NRXN3: variants seen among roughly 807,000 people sequenced by gnomAD.
NRXN3 encodes the protein neurexin 3.
NRXN3 carries 32 observed loss-of-function variants against 137.6 expected under a neutral mutation model. That is an observed-to-expected ratio of 0.23 (90% CI 0.18 to 0.31). NRXN3 has a LOEUF of 0.31. Among genes scored for constraint, NRXN3 ranks in the 10% least tolerant of loss-of-function variants. NRXN3 has a pLI of 1.00. For missense variants in NRXN3, 1,574 were observed against 2,062.5 expected (o/e 0.76, Z 4.59); for synonymous variants, 798 against 784.5 (o/e 1.02, Z -0.29).
At chr14:78,593,216 C>T (rs1003107241) in intron 4 of NRXN3, among the ~76,000 whole-genome samples, 1 of 152,162 alleles carries the variant, frequency 6.6e-6, no homozygotes, top group Non-Finnish European at 1.5e-5. Context: ...TAATGGTTTC[C>T]CGCCCTGTCC....
chr14:79,613,995 T>A (rs1205969242), intron 16 of NRXN3, among the ~76,000 whole-genome samples: 1 of 152,236 alleles, frequency 6.6e-6, no homozygotes, highest in African/African-American at 2.4e-5. Context: ...AATATCAGTA[T>A]CAAAAGGTCC....
At chr14:79,618,483 C>T (rs771359386) in intron 16 of NRXN3, among the ~76,000 whole-genome samples, 4 of 152,108 alleles carry the variant, frequency 2.6e-5, no homozygotes, top group Non-Finnish European at 5.9e-5. Context: ...AGGGTAATTG[C>T]CTCCAGGTGC....
intron 1 of NRXN3, among the ~76,000 whole-genome samples, chr14:78,222,125 C>G (rs1047071127): frequency 9.9e-5 from 15 of 152,136 alleles, no homozygotes; most frequent in African/African-American, 3.6e-4. Flanking sequence ...GGCCCCAACA[C>G]AGAGTGTTTG....
chr14:79,176,558 C>T (rs1221367125), intron 15 of NRXN3, among the ~76,000 whole-genome samples: 1 of 152,216 alleles, frequency 6.6e-6, no homozygotes. Flanking sequence ...GCAACCGGCA[C>T]TCTAGCCATG....
chr14:78,778,012 C>T (rs2098750257), intron 8 of NRXN3, among the ~76,000 whole-genome samples: 1 of 152,176 alleles, frequency 6.6e-6, no homozygotes, highest in African/African-American at 2.4e-5. Context: ...ATCCGCCCAC[C>T]TCAGCCTCCC....
chr14:78,643,670 C>T (rs2152570385), intron 4 of NRXN3, among the ~76,000 whole-genome samples: 1 of 152,302 alleles, frequency 6.6e-6, no homozygotes, highest in South Asian at 2.1e-4. Context: ...ACCCCTAGTC[C>T]TCAACCCATG....
At chr14:79,793,994 T>C (rs1156917431) in intron 19 of NRXN3, among the ~76,000 whole-genome samples, 1 of 152,194 alleles carries the variant, frequency 6.6e-6, no homozygotes, top group Non-Finnish European at 1.5e-5. Flanking sequence ...CCAACGCTTT[T>C]TAACTTCAGC....
intron 16 of NRXN3, among the ~76,000 whole-genome samples, chr14:79,598,518 G>C (rs1303319902): frequency 6.6e-6 from 1 of 152,206 alleles, no homozygotes; most frequent in African/African-American, 2.4e-5. Context: ...CAGGGATCCT[G>C]AGGGAGCTGG....
chr14:79,708,094 A>G (rs1215737834), intron 19 of NRXN3, among the ~76,000 whole-genome samples: 1 of 151,852 alleles, frequency 6.6e-6, no homozygotes, highest in African/African-American at 2.4e-5. Flanking sequence ...TAGATTATAG[A>G]TGGCCCTCTG....
intron 4 of NRXN3, among the ~76,000 whole-genome samples, chr14:78,503,989 G>A (rs2095931844): frequency 6.6e-6 from 1 of 152,178 alleles, no homozygotes; most frequent in South Asian, 2.1e-4. Flanking sequence ...AGTCACATAA[G>A]TATGGCAAAT....
chr14:79,735,795 C>T (rs140808984), intron 19 of NRXN3, among the ~76,000 whole-genome samples: 1 of 152,280 alleles, frequency 6.6e-6, no homozygotes, highest in East Asian at 1.9e-4. Flanking sequence ...TTCTACTGCT[C>T]TTGAGTTGTT....
chr14:79,631,623 G>C (rs976521480), intron 16 of NRXN3, among the ~76,000 whole-genome samples: 1 of 152,268 alleles, frequency 6.6e-6, no homozygotes, highest in Admixed American at 6.5e-5. Context: ...AGTCGCCAGT[G>C]AGTGCCACTG....
intron 15 of NRXN3, among the ~76,000 whole-genome samples, chr14:79,225,614 G>C (rs2070712353): frequency 6.6e-6 from 1 of 152,050 alleles, no homozygotes; most frequent in Non-Finnish European, 1.5e-5. Flanking sequence ...TCTAAAACTA[G>C]TGCAACACTT....
intron 4 of NRXN3, chr14:78,403,587 C>T (rs993413298): frequency 2.9e-6 from 1 of 339,810 alleles, no homozygotes; most frequent in Non-Finnish European, 4.2e-6. Flanking sequence ...ACACCCTGTC[C>T]CGGGCCCCAG....
intron 4 of NRXN3, among the ~76,000 whole-genome samples, chr14:78,471,698 C>A (rs1053942599): frequency 6.6e-6 from 1 of 152,120 alleles, no homozygotes; most frequent in South Asian, 2.1e-4. Flanking sequence ...ATGGTAATAT[C>A]CAGGCATAAT....
intron 1 of NRXN3, among the ~76,000 whole-genome samples, chr14:78,193,779 A>T (rs957237784): frequency 5.9e-5 from 9 of 151,638 alleles, no homozygotes; most frequent in African/African-American, 2.2e-4. Context: ...AAAAAAAAAA[A>T]AAGTTATGTC....
At position 78,845,905 on chromosome 14, in the gene NRXN3, GGTGTGT is replaced by G. The variant is rs3034390; in HGVS notation, c.2275+35588_2275+35593del. 6.2e-4 allele frequency among the ~76,000 whole-genome samples: 91 copies of G among 146,340 alleles called. 1 individual carries two copies. The highest frequency in any genetic ancestry group is 3.4e-3 in the Middle Eastern group (1 of 290). ...TTTCAGGACAGTATGAGTATGTTGG[GGTGTGT>G]GTGTGTGTGTGTGTGTGTGTGTGTG... is the stretch of plus-strand genomic sequence containing the variant. On this transcript the variant is annotated intron_variant, in intron 10 of 20. Transcript: ENST00000335750.
At chr14:79,856,013 T>C (rs1163246991) in intron 20 of NRXN3, among the ~76,000 whole-genome samples, 2 of 152,198 alleles carry the variant, frequency 1.3e-5, no homozygotes, top group African/African-American at 2.4e-5. Context: ...TTTCCTGTTT[T>C]GTAATACATA....
At chr14:79,391,520 T>G (rs1443826779) in intron 15 of NRXN3, among the ~76,000 whole-genome samples, 4 of 152,234 alleles carry the variant, frequency 2.6e-5, no homozygotes, top group African/African-American at 7.2e-5. Flanking sequence ...CCCTGAAAAC[T>G]GTAGAACATT....
Sources: gnomAD v4.1 joint callset for allele counts (sites outside exome capture counted in the v4.1 genomes callset) on GRCh38, gnomAD v4.1.1 for gene constraint, MANE v1.5 for transcripts, NCBI Gene and HGNC (gene_info 2026-07-23, HGNC 2026-07-21) for gene names.